The following GFPT1 variants were observed in gnomAD, a reference collection of about 807,000 sequenced individuals.
GFPT1 encodes glutamine--fructose-6-phosphate aminotransferase [isomerizing] 1.
A neutral mutation model predicts 92.0 loss-of-function variants in GFPT1; 40 were observed. That is an observed-to-expected ratio of 0.43 (90% CI 0.34 to 0.57). GFPT1 has a LOEUF of 0.57. GFPT1 is among the 20% of genes least tolerant of loss of function. The pLI is 0.02. For missense variants in GFPT1, 448 were observed against 869.1 expected, an observed-to-expected ratio of 0.52 and a Z score of 6.09; for synonymous variants, 269 against 280.6, an observed-to-expected ratio of 0.96 and a Z score of 0.41.
intron 14 of GFPT1, 51 bp from the exon 15 acceptor site, chr2:69,338,106 C>G (rs1250392997): frequency 6.4e-7 from 1 of 1,559,710 alleles, no homozygotes; most frequent in East Asian, 2.2e-5. Context: ...TTAACATATG[C>G]TGTTTCTTAG....
At chr2:69,370,235 A>G in intron 2 of GFPT1, 127 bp from the exon 3 acceptor site, 3 of 696,872 alleles carry the variant, frequency 4.3e-6, no homozygotes, top group Non-Finnish European at 5.2e-6. Context: ...TATTAATTCA[A>G]TTACCTACTG....
chr2:69,336,169 T>C (rs768936070), intron 15 of GFPT1, among the ~76,000 whole-genome samples: 7 of 151,492 alleles, frequency 4.6e-5, no homozygotes, highest in Non-Finnish European at 8.8e-5. Flanking sequence ...TGAAACCCCA[T>C]TGCTATCAAA....
In GFPT1 at chr2:69,384,693, CAAAAAAAAA is replaced by C. The variant is rs71964630; in HGVS notation, c.7+2363_7+2371del. ...TGGGCGACAGAGAGAGGCCCCGTCA[CAAAAAAAAA>C]AAAAAAAAAAGAAAAAAGAAAGAAA... is the stretch of plus-strand genomic sequence containing the variant. On this transcript the variant is annotated intron_variant, in intron 1 of 19. Coordinates refer to ENST00000357308, the MANE Select transcript of GFPT1 (RefSeq NM_001244710.2). Among the ~76,000 whole-genome samples the C allele has an allele frequency of 4.4e-3, 464 of 106,646 alleles. 1 individual carries two copies. Among genetic ancestry groups the C allele is most frequent in the African/African-American group, 0.015 (446 of 30,484 alleles). 70.0% of individuals were successfully genotyped at this position (106,646 alleles called of 152,430 possible).
intron 3 of GFPT1, among the ~76,000 whole-genome samples, chr2:69,364,141 C>T (rs1344788126): frequency 6.7e-6 from 1 of 149,118 alleles, no homozygotes; most frequent in Admixed American, 6.7e-5. Context: ...GACTTAGGAA[C>T]ACATTGTACG....
chr2:69,369,816 C>G (rs1181759764), intron 3 of GFPT1, among the ~76,000 whole-genome samples, 185 bp downstream of exon 3: 2 of 152,160 alleles, frequency 1.3e-5, no homozygotes, highest in Non-Finnish European at 2.9e-5. Flanking sequence ...TTTTCAGGCT[C>G]AGGTACATTT....
rs377403133 is a variant in GFPT1, at chr2:69,327,172, T to A, written c.1894-97A>T. 7 of 989,054 alleles carry A rather than the reference T, an allele frequency of 7.1e-6. No individual in the cohort carries two copies. The African/African-American group carries it at 7.9e-5, about 11-fold the overall frequency. The allele number at this position is 989,054 out of a possible 1,614,324, so 61.3% of individuals were successfully genotyped here. The stretch of plus-strand genomic sequence containing the variant: ...CAAAAATTGCACTGCATAATCCATA[T>A]GAAGCCTCACGGACAGACTTCTTTA... On this transcript the variant is annotated intron_variant, in intron 18 of 19. Coordinates refer to ENST00000357308, the MANE Select transcript of GFPT1 (RefSeq NM_001244710.2).
At chr2:69,348,484 C>T in intron 10 of GFPT1, 150 bp from the exon 11 acceptor site, 1 of 715,038 alleles carries the variant, frequency 1.4e-6, no homozygotes, top group Non-Finnish European at 2.5e-6. Context: ...ATGCCAACCC[C>T]TACAGGAAAG....
chr2:69,345,377 T>C (rs1323559390), intron 12 of GFPT1, among the ~76,000 whole-genome samples: 1 of 152,122 alleles, frequency 6.6e-6, no homozygotes, highest in Admixed American at 6.5e-5. Flanking sequence ...TTTTACTTAT[T>C]TATACACTCA....
intron 9 of GFPT1, among the ~76,000 whole-genome samples, chr2:69,352,667 T>C (rs1309851392): frequency 1.4e-5 from 2 of 139,824 alleles, no homozygotes; most frequent in East Asian, 2.1e-4. Flanking sequence ...AATGTCCTAA[T>C]AGGCTTGAGT....
chr2:69,347,771 C>T (rs988104708), intron 11 of GFPT1, among the ~76,000 whole-genome samples: 25 of 152,162 alleles, frequency 1.6e-4, no homozygotes, highest in Non-Finnish European at 2.9e-4. Context: ...GTGTGAGCCA[C>T]CGCACCCAGC....
Position 69,321,590 on chromosome 2 carries a change from T to C in GFPT1, c.*4599A>G, listed in dbSNP as rs1056038647. The C allele has an allele frequency of 3.3e-5, 5 of 152,204 alleles. No homozygotes were observed. Among genetic ancestry groups the C allele is most frequent in the African/African-American group, 1.2e-4 (5 of 41,454 alleles). The allele number at this position is 152,204 out of a possible 1,614,324, so 9.4% of individuals were successfully genotyped here. ...TGGACTTAACGACATGAGGAAGAAA[T>C]GACCAACTGGCTCAGTAAACTAAAC... On this transcript the variant is annotated 3_prime_UTR_variant, in exon 20 of 20. Coordinates refer to ENST00000357308, the MANE Select transcript of GFPT1 (RefSeq NM_001244710.2).
chr2:69,345,448 T>A (rs2104630283), intron 12 of GFPT1, among the ~76,000 whole-genome samples: 2 of 152,332 alleles, frequency 1.3e-5, no homozygotes, highest in East Asian at 3.9e-4. Context: ...CCAGGTCTTA[T>A]TCTTCTTAGA....
chr2:69,349,933 A>G lies in GFPT1; in HGVS notation c.845+145T>C, dbSNP rs1213553168. ...ACAGAAAAAGTGTCCTTACAGCCCC[A>G]TCTCCAAAATGGTCACCTGTATTTC... is the stretch of plus-strand genomic sequence containing the variant. On this transcript the variant is annotated intron_variant, in intron 10 of 19. Transcript: ENST00000357308. 5.8e-6 allele frequency: 4 copies of G among 684,666 alleles called. No homozygotes were observed. In the East Asian group the frequency reaches 1.1e-4, roughly 19 times the overall value. 42.4% of individuals were successfully genotyped at this position (684,666 alleles called of 1,614,324 possible). A position where few individuals can be genotyped will look rare whatever the true frequency, so the allele number is the denominator to read the frequency against.
rs368869436 is a variant in GFPT1, at chr2:69,348,338, T to C, written c.846-4A>G. Reference sequence around the variant, plus strand: ...ATTGGTGTGTTCTATGACAGCACTATAAAGTTTTCAAGGAGATATTACAAT... The same window carrying C: ...ATTGGTGTGTTCTATGACAGCACTACAAAGTTTTCAAGGAGATATTACAAT... On this transcript the variant is annotated splice_region_variant and splice_polypyrimidine_tract_variant and intron_variant, in intron 10 of 19. Coordinates refer to ENST00000357308, the MANE Select transcript of GFPT1 (RefSeq NM_001244710.2). 6 of 1,607,582 alleles carry C rather than the reference T, an allele frequency of 3.7e-6. No homozygotes were observed. The South Asian group carries it at 4.4e-5, about 12-fold the overall frequency.
intron 15 of GFPT1, among the ~76,000 whole-genome samples, chr2:69,333,308 A>G (rs1223111466): frequency 1.3e-5 from 2 of 152,248 alleles, no homozygotes; most frequent in Non-Finnish European, 2.9e-5. Context: ...TATTCTACAA[A>G]CTAGTGTTTA....
intron 15 of GFPT1, among the ~76,000 whole-genome samples, chr2:69,330,892 CAT>C (rs1272955545): frequency 1.3e-5 from 2 of 152,146 alleles, no homozygotes; most frequent in Non-Finnish European, 2.9e-5. Context: ...GTTAAATGCA[CAT>C]GACACTTACA....
chr2:69,379,582 G>A (rs1574090540), intron 1 of GFPT1, among the ~76,000 whole-genome samples: 1 of 152,168 alleles, frequency 6.6e-6, no homozygotes, highest in East Asian at 1.9e-4. Context: ...CTGTCGCCCA[G>A]GCTGGAGTAC....
intron 4 of GFPT1, 67 bp downstream of exon 4, chr2:69,363,478 A>G (rs1671524382): frequency 6.9e-7 from 1 of 1,440,960 alleles, no homozygotes; most frequent in Non-Finnish European, 9.8e-7. Flanking sequence ...AAAATCTAAA[A>G]GCCTTCATTC....
intron 16 of GFPT1, 129 bp from the exon 17 acceptor site, chr2:69,329,553 A>C: frequency 3.2e-6 from 3 of 948,834 alleles, no homozygotes; most frequent in South Asian, 1.4e-5. Flanking sequence ...TATTTTTTTA[A>C]TACATCGGAG....
Sources: gnomAD v4.1 joint callset for allele counts (sites outside exome capture counted in the v4.1 genomes callset) on GRCh38, gnomAD v4.1.1 for gene constraint, MANE v1.5 for transcripts, NCBI Gene and HGNC (gene_info 2026-07-23, HGNC 2026-07-21) for gene names.